The following CNIH3 variants were observed in gnomAD, a reference collection of about 807,000 sequenced individuals.
CNIH3 encodes the protein protein cornichon homolog 3.
In CNIH3, 14 loss-of-function variants were observed where a neutral mutation model predicts 24.1. That is an observed-to-expected ratio of 0.58 (90% CI 0.38 to 0.91). CNIH3 has a LOEUF of 0.91. CNIH3 is among the 40% of genes least tolerant of loss of function. The pLI is 0.00. For missense variants in CNIH3, 178 were observed against 196.8 expected (o/e 0.90, Z 0.57); for synonymous variants, 68 against 73.8 (o/e 0.92, Z 0.40).
At chr1:224,471,430 A>G (rs1477736319) in intron 1 of CNIH3, among the ~76,000 whole-genome samples, 1 of 151,970 alleles carries the variant, frequency 6.6e-6, no homozygotes. Flanking sequence ...TCTGGTAACC[A>G]TCATTGTACG....
chr1:224,700,889 A>G (rs907070764), intron 3 of CNIH3, among the ~76,000 whole-genome samples: 8 of 152,230 alleles, frequency 5.3e-5, no homozygotes, highest in Non-Finnish European at 1.0e-4. Context: ...GACAAAATCC[A>G]CATCTGCCAT....
chr1:224,592,215 T>A (rs1258847883), downstream of CNIH3, among the ~76,000 whole-genome samples: 1 of 152,068 alleles, frequency 6.6e-6, no homozygotes, highest in Non-Finnish European at 1.5e-5. Context: ...TTTATAACTG[T>A]TTCAGGCGTC....
intron 1 of CNIH3, among the ~76,000 whole-genome samples, chr1:224,470,962 T>C (rs1676345280): frequency 6.6e-6 from 1 of 152,236 alleles, no homozygotes; most frequent in Non-Finnish European, 1.5e-5. Flanking sequence ...AATCTAGTTG[T>C]ACTCTTTTAA....
intron 1 of CNIH3, among the ~76,000 whole-genome samples, chr1:224,643,174 T>C (rs1684441389): frequency 6.6e-6 from 1 of 152,152 alleles, no homozygotes; most frequent in African/African-American, 2.4e-5. Context: ...ATTTCACAAC[T>C]ATCAAATACC....
At chr1:224,540,566 C>T (rs1354185414), downstream of CNIH3, among the ~76,000 whole-genome samples, 2 of 152,158 alleles carry the variant, frequency 1.3e-5, no homozygotes, top group African/African-American at 4.8e-5. Flanking sequence ...ATGCTGCAAA[C>T]TGAGGGAGAT....
chr1:224,583,554 A>G (rs1448248589), intron 5 of CNIH3, among the ~76,000 whole-genome samples: 3 of 152,152 alleles, frequency 2.0e-5, no homozygotes, highest in Non-Finnish European at 4.4e-5. Context: ...TAACAAGAGG[A>G]TGGTAAGCTA....
chr1:224,600,524 C>T (rs113288441), intron 3 of CNIH3, among the ~76,000 whole-genome samples: 3,965 of 152,122 alleles, frequency 0.026, 173 homozygotes, highest in African/African-American at 0.09. Flanking sequence ...GATGGGGTCT[C>T]GCTCTGTTGT....
intron 1 of CNIH3, among the ~76,000 whole-genome samples, chr1:224,490,701 T>G (rs1328329369): frequency 6.6e-6 from 1 of 152,236 alleles, no homozygotes; most frequent in East Asian, 1.9e-4. Context: ...ATATCTGTAA[T>G]GTACTTTTAT....
At chr1:224,640,519 C>T (rs113973037) in intron 1 of CNIH3, among the ~76,000 whole-genome samples, 1,524 of 152,318 alleles carry the variant, frequency 0.01, 16 homozygotes, top group Non-Finnish European at 0.016. Flanking sequence ...CAGAGCTTAG[C>T]AGACTCTCAG....
At chr1:224,625,795 C>T (rs1251475572) in intron 1 of CNIH3, among the ~76,000 whole-genome samples, 1 of 152,188 alleles carries the variant, frequency 6.6e-6, no homozygotes, top group African/African-American at 2.4e-5. Context: ...CAGATGGTGA[C>T]TGTAGCCCAG....
chr1:224,637,673 T>C (rs1684162023), intron 1 of CNIH3, among the ~76,000 whole-genome samples: 1 of 152,204 alleles, frequency 6.6e-6, no homozygotes, highest in Non-Finnish European at 1.5e-5. Flanking sequence ...AACAAGGTAA[T>C]GGCTGGCTTA....
chr1:224,693,124 G>A (rs986643742), intron 3 of CNIH3, among the ~76,000 whole-genome samples: 1 of 152,244 alleles, frequency 6.6e-6, no homozygotes, highest in Non-Finnish European at 1.5e-5. Flanking sequence ...ATTTTCAGAC[G>A]CTTTCCGTGG....
chr1:224,718,305 C>G (rs1249818110), intron 3 of CNIH3, among the ~76,000 whole-genome samples: 2 of 152,114 alleles, frequency 1.3e-5, no homozygotes, highest in African/African-American at 2.4e-5. Flanking sequence ...AGGAGCTCCC[C>G]AGTCAGGGGC....
At chr1:224,665,988 A>G (rs1475636880) in intron 1 of CNIH3, among the ~76,000 whole-genome samples, 2 of 152,306 alleles carry the variant, frequency 1.3e-5, no homozygotes, top group East Asian at 3.9e-4. Flanking sequence ...TTGATTTAGC[A>G]GGTACAGGGC....
intron 1 of CNIH3, among the ~76,000 whole-genome samples, chr1:224,680,367 G>A (rs1033201476): frequency 6.6e-6 from 1 of 152,218 alleles, no homozygotes; most frequent in Non-Finnish European, 1.5e-5. Flanking sequence ...TCTCTGGGGA[G>A]TTCTGAGTCT....
At chr1:224,715,246 G>A (rs1425161861) in intron 3 of CNIH3, among the ~76,000 whole-genome samples, 1 of 152,122 alleles carries the variant, frequency 6.6e-6, no homozygotes, top group Non-Finnish European at 1.5e-5. Context: ...CAGTCCTCCT[G>A]GCTTTCCTGA....
chr1:224,686,952 C>G (rs535091467), intron 3 of CNIH3, among the ~76,000 whole-genome samples: 1 of 152,360 alleles, frequency 6.6e-6, no homozygotes, highest in African/African-American at 2.4e-5. Context: ...CTCTTCCTGC[C>G]TTTTGCCCCT....
chr1:224,653,640 A>G (rs781413119), intron 1 of CNIH3, among the ~76,000 whole-genome samples: 1 of 152,222 alleles, frequency 6.6e-6, no homozygotes, highest in Non-Finnish European at 1.5e-5. Context: ...GTCTCTCTTT[A>G]GTATTCACTC....
intron 2 of CNIH3, among the ~76,000 whole-genome samples, chr1:224,544,931 A>G (rs1294808348): frequency 6.6e-6 from 1 of 152,206 alleles, no homozygotes; most frequent in Non-Finnish European, 1.5e-5. Context: ...TGTAGTCTTC[A>G]GGCTTCTGGC....
Sources: allele counts gnomAD v4.1 joint callset (sites outside exome capture counted in the v4.1 genomes callset), GRCh38; gene constraint gnomAD v4.1.1; transcripts MANE v1.5; gene names NCBI Gene and HGNC (gene_info 2026-07-23, HGNC 2026-07-21).